The following EXD2 variants were observed in gnomAD, a reference collection of about 807,000 sequenced individuals.
The protein encoded by EXD2 is exonuclease 3'-5' domain containing 2.
A neutral mutation model predicts 62.5 loss-of-function variants in EXD2; 40 were observed. The observed-to-expected ratio is 0.64, with a 90% CI of 0.50 to 0.83. The LOEUF (loss-of-function observed/expected upper bound fraction) is 0.83. Ranked by LOEUF, EXD2 falls within the 40% of genes least tolerant of loss-of-function variation. EXD2 has a pLI of 0.00. For missense variants in EXD2, 671 were observed against 761.8 expected (o/e 0.88, Z 1.40); for synonymous variants, 239 against 291.9 (o/e 0.82, Z 1.85).
At chr14:69,215,819 C>CT (rs371624293) in intron 3 of EXD2, among the ~76,000 whole-genome samples, 11,968 of 139,836 alleles carry the variant, frequency 0.086, 1,037 homozygotes, top group African/African-American at 0.23. Context: ...GCCTCATTTT[C>CT]TTTTTTTTTT....
chr14:69,220,253 G>GTTTTTTGT (rs2043126549), intron 3 of EXD2, among the ~76,000 whole-genome samples: 1 of 35,094 alleles, frequency 2.8e-5, no homozygotes, highest in African/African-American at 1.2e-4. Context: ...TTGTCTCTCT[G>GTTTTTTGT]TTTTTTTTTT....
At position 69,192,532 on chromosome 14, in the gene EXD2, G is replaced by T. The variant is rs973004915; in HGVS notation, c.-132+941G>T. The stretch of plus-strand genomic sequence containing the variant: ...TCTTTCTTAGCTTGATGTTCTTGGT[G>T]GTGAGGGTGGGGAGTGTGGAAGACA... On this transcript the variant is annotated intron_variant, in intron 1 of 9. Coordinates refer to ENST00000685843, the MANE Select transcript of EXD2 (RefSeq NM_001193360.2). Among the ~76,000 whole-genome samples, 11 of 152,074 alleles carry T rather than the reference G, an allele frequency of 7.2e-5. No homozygotes were observed. In the East Asian group the frequency reaches 2.1e-3, roughly 29 times the overall value.
At chr14:69,195,442 C>T (rs2042173047) in intron 1 of EXD2, among the ~76,000 whole-genome samples, 1 of 152,130 alleles carries the variant, frequency 6.6e-6, no homozygotes, top group Non-Finnish European at 1.5e-5. Context: ...AGTGACTCAC[C>T]CGCCTTGGCC....
intron 3 of EXD2, among the ~76,000 whole-genome samples, chr14:69,212,868 C>T (rs984533131): frequency 2.0e-5 from 3 of 151,358 alleles, no homozygotes; most frequent in African/African-American, 7.3e-5. Flanking sequence ...GCCACCACAC[C>T]TGGCTAATTT....
chr14:69,214,606 A>G (rs886875593), intron 3 of EXD2, among the ~76,000 whole-genome samples: 8 of 152,178 alleles, frequency 5.3e-5, no homozygotes, highest in Non-Finnish European at 7.4e-5. Flanking sequence ...GTAACTAGAA[A>G]CTAGGTCAAG....
In EXD2 at chr14:69,201,147, G is replaced by A. The variant is rs116247824; in HGVS notation, c.-131-2770G>A. Among the ~76,000 whole-genome samples, 1,031 of 151,570 alleles carry A rather than the reference G, an allele frequency of 6.8e-3. 12 individuals carry two copies. The highest frequency in any genetic ancestry group is 0.024 in the African/African-American group (986 of 41,408). On this transcript the variant is annotated intron_variant, in intron 1 of 9. Transcript: ENST00000685843. Reference sequence around the variant, plus strand: ...TTTGTAGTAAGTATTCAAAAATTTGGTGTATATTTTACATGTATAATACAT... The same window carrying A: ...TTTGTAGTAAGTATTCAAAAATTTGATGTATATTTTACATGTATAATACAT...
At position 69,243,089 on chromosome 14, in the gene EXD2, C is replaced by T. The variant is rs937697732; in HGVS notation, c.*1989C>T. ...CCAGCAGCAAAGTAGAGGAAAAAGC[C>T]AGACTGCGTCACACAAGATTTCTCA... On this transcript the variant is annotated 3_prime_UTR_variant, in exon 10 of 10. Coordinates refer to ENST00000685843, the MANE Select transcript of EXD2 (RefSeq NM_001193360.2). 3.3e-5 allele frequency: 5 copies of T among 152,188 alleles called. No homozygotes were observed. The highest frequency in any genetic ancestry group is 1.3e-4 in the Admixed American group (2 of 15,288). The allele number at this position is 152,188 out of a possible 1,614,324, so 9.4% of individuals were successfully genotyped here. A position where few individuals can be genotyped will look rare whatever the true frequency, so the allele number is the denominator to read the frequency against.
At chr14:69,236,631 G>A (rs1241467933) in intron 8 of EXD2, 89 bp downstream of exon 8, 1 of 1,549,992 alleles carries the variant, frequency 6.5e-7, no homozygotes, top group African/African-American at 1.4e-5. Flanking sequence ...GGCTGTGGCT[G>A]AGTCTGTCCA....
intron 1 of EXD2, among the ~76,000 whole-genome samples, chr14:69,192,680 G>C (rs1265760208): frequency 6.6e-6 from 1 of 151,950 alleles, no homozygotes; most frequent in Non-Finnish European, 1.5e-5. Context: ...GTATGTGTAC[G>C]TATAAGATAT....
At chr14:69,199,697 A>C (rs1349407699) in intron 1 of EXD2, among the ~76,000 whole-genome samples, 1 of 152,122 alleles carries the variant, frequency 6.6e-6, no homozygotes, top group Non-Finnish European at 1.5e-5. Context: ...CAGGATCATC[A>C]ATATCACTGT....
intron 9 of EXD2, among the ~76,000 whole-genome samples, chr14:69,238,239 A>G (rs1471970012): frequency 6.6e-6 from 1 of 152,166 alleles, no homozygotes; most frequent in African/African-American, 2.4e-5. Flanking sequence ...TGCATCTTAC[A>G]CATTCTATGC....
chr14:69,207,859 T>G (rs2042658375), intron 2 of EXD2, among the ~76,000 whole-genome samples: 2 of 152,082 alleles, frequency 1.3e-5, no homozygotes, highest in Admixed American at 1.3e-4. Flanking sequence ...CTGCTCCATG[T>G]TTTCTCCCTG....
chr14:69,200,729 T>C (rs1002854146), intron 1 of EXD2, among the ~76,000 whole-genome samples: 3 of 147,620 alleles, frequency 2.0e-5, no homozygotes, highest in Admixed American at 6.8e-5. Context: ...AAGGCTAAAA[T>C]GGTAAATGTT....
chr14:69,200,616 G>A (rs1566815787), intron 1 of EXD2, among the ~76,000 whole-genome samples: 1 of 152,036 alleles, frequency 6.6e-6, no homozygotes, highest in Admixed American at 6.5e-5. Context: ...GGCTAAGATG[G>A]GAGGATGGCT....
intron 3 of EXD2, among the ~76,000 whole-genome samples, chr14:69,216,625 C>A (rs2042995616): frequency 6.6e-6 from 1 of 152,022 alleles, no homozygotes; most frequent in Non-Finnish European, 1.5e-5. Context: ...AATCAATTTT[C>A]AGGTCCTATA....
chr14:69,236,455 C>T lies in EXD2; in HGVS notation c.1205C>T (p.Ala402Val). The change falls in exon 8 of 10, where the codon GCA becomes GTA. Residue 402 changes from alanine to valine, a missense_variant. Ala to Val is a moderately conservative substitution (Grantham distance 64). Transcript: ENST00000685843. ...GTGGTGAAGCTACGGTTTGAACCTGCAGGAAGGCCCGAATCTCCTGGAGAC... is the reference window on the plus strand; with the variant it reads ...GTGGTGAAGCTACGGTTTGAACCTGTAGGAAGGCCCGAATCTCCTGGAGAC... ...PFVVKLRFEP[A>V]GRPESPGDYY... 1 of 1,614,098 alleles carries T rather than the reference C, an allele frequency of 6.2e-7. No homozygotes were observed. The highest frequency in any genetic ancestry group is 8.5e-7 in the Non-Finnish European group (1 of 1,180,004).
At chr14:69,240,837 TC>T in intron 9 of EXD2, 46 bp from the exon 10 acceptor site, 5 of 1,557,952 alleles carry the variant, frequency 3.2e-6, no homozygotes, top group Non-Finnish European at 4.4e-6. Flanking sequence ...TGTGAGGCCA[TC>T]CTGCGCTTGT....
chr14:69,237,003 C>T (rs1594783711), intron 8 of EXD2, among the ~76,000 whole-genome samples: 1 of 152,206 alleles, frequency 6.6e-6, no homozygotes, highest in African/African-American at 2.4e-5. Flanking sequence ...TCTGAGTGCC[C>T]AGACACTTGG....
At chr14:69,228,519 C>G (rs2043447998) in intron 3 of EXD2, among the ~76,000 whole-genome samples, 1 of 152,054 alleles carries the variant, frequency 6.6e-6, no homozygotes, top group African/African-American at 2.4e-5. Flanking sequence ...CCAGCATGTT[C>G]CATATGACTG....
Sources: gnomAD v4.1 joint callset for allele counts (sites outside exome capture counted in the v4.1 genomes callset) on GRCh38, gnomAD v4.1.1 for gene constraint, MANE v1.5 for transcripts, NCBI Gene and HGNC (gene_info 2026-07-23, HGNC 2026-07-21) for gene names.